Variants in SPDYE14 observed in about 807,000 individuals in gnomAD.
SPDYE14 encodes speedy/RINGO cell cycle regulator family member E14.
chr7:75,269,108 G>A, the SPDYE14 span, among the ~76,000 whole-genome samples: 1 of 27,634 alleles, frequency 3.6e-5, no homozygotes, highest in African/African-American at 7.4e-5. Flanking sequence ...TCTGGGAGGC[G>A]GAGGTTGCAG....
At chr7:75,268,845 CAGAGAGAGAGAGAGAGAGAG>C in the SPDYE14 span, among the ~76,000 whole-genome samples, 1 of 9,596 alleles carries the variant, frequency 1.0e-4, no homozygotes, top group African/African-American at 3.3e-4. Context: ...GCACTCCAGC[CAGAGAGAGAGAGAGAGAGAG>C]AGAGAGAGAG....
At chr7:75,271,629 G>A in the SPDYE14 span, among the ~76,000 whole-genome samples, 4 of 53,758 alleles carry the variant, frequency 7.4e-5, 1 homozygote, top group African/African-American at 1.3e-4. Context: ...TCAGGAGTTC[G>A]AGACCAGCCT....
the SPDYE14 span, chr7:75,237,681 G>A: frequency 3.9e-5 from 4 of 102,880 alleles, no homozygotes; most frequent in Non-Finnish European, 6.7e-5. Context: ...GGCGCGGGGA[G>A]CAGCTGGTGT....
chr7:75,265,023 T>TG, the SPDYE14 span, among the ~76,000 whole-genome samples: 1 of 61,502 alleles, frequency 1.6e-5, no homozygotes, highest in South Asian at 5.0e-4. Context: ...CTTTGCCTGT[T>TG]TTTTTTTTTT....
chr7:75,261,453 C>CTTTT, the SPDYE14 span, among the ~76,000 whole-genome samples: 63 of 39,924 alleles, frequency 1.6e-3, no homozygotes, highest in African/African-American at 2.7e-3. Flanking sequence ...TCAAGAACAC[C>CTTTT]TTTTTTTTTT....
the SPDYE14 span, among the ~76,000 whole-genome samples, chr7:75,249,644 C>T: frequency 2.4e-4 from 14 of 58,008 alleles, no homozygotes; most frequent in East Asian, 4.9e-4. Context: ...CTTCCTCCCT[C>T]CCTCCCTCCC....
At chr7:75,272,995 C>G in the SPDYE14 span, among the ~76,000 whole-genome samples, 2 of 58,626 alleles carry the variant, frequency 3.4e-5, 1 homozygote, top group South Asian at 1.1e-3. Flanking sequence ...GGGCGGATTT[C>G]TCATGAATGG....
At chr7:75,262,207 AAAACT>A in the SPDYE14 span, among the ~76,000 whole-genome samples, 1 of 38,206 alleles carries the variant, frequency 2.6e-5, no homozygotes, top group Non-Finnish European at 7.5e-5. Flanking sequence ...CTCCATCTCA[AAAACT>A]AAACTAAACT....
At chr7:75,265,292 A>T in the SPDYE14 span, among the ~76,000 whole-genome samples, 1 of 101,868 alleles carries the variant, frequency 9.8e-6, no homozygotes, top group African/African-American at 3.6e-5. Flanking sequence ...CATTTTTAGT[A>T]GAGGCAGGGT....
the SPDYE14 span, among the ~76,000 whole-genome samples, chr7:75,275,166 C>A: frequency 3.2e-3 from 167 of 52,872 alleles, no homozygotes; most frequent in African/African-American, 7.5e-3. Flanking sequence ...CGCCTCTGCC[C>A]GGCCGCCCCT....
the SPDYE14 span, among the ~76,000 whole-genome samples, chr7:75,261,486 A>T: frequency 1.2e-5 from 1 of 82,436 alleles, no homozygotes. Context: ...TTAAAGAGAC[A>T]GTGTCTTGCT....
the SPDYE14 span, among the ~76,000 whole-genome samples, chr7:75,246,963 G>A: frequency 1.1e-5 from 1 of 88,910 alleles, no homozygotes; most frequent in African/African-American, 3.6e-5. Flanking sequence ...GTTCATGGAT[G>A]GGATTTCAGA....
chr7:75,256,844 G>A, the SPDYE14 span, among the ~76,000 whole-genome samples: 6 of 16,286 alleles, frequency 3.7e-4, no homozygotes, highest in African/African-American at 8.9e-4. Flanking sequence ...AAAAAAGACC[G>A]GGTGCGGTGG....
chr7:75,275,139 G>A, the SPDYE14 span, among the ~76,000 whole-genome samples: 7 of 59,684 alleles, frequency 1.2e-4, no homozygotes, highest in African/African-American at 3.0e-4. Flanking sequence ...CAGCCGCCCC[G>A]TCCGGGAGGT....
the SPDYE14 span, among the ~76,000 whole-genome samples, chr7:75,262,287 C>G: frequency 1.4e-5 from 1 of 71,090 alleles, no homozygotes. Flanking sequence ...CTAAATTCCC[C>G]TTTCCTTCTC....
At chr7:75,261,040 A>T in the SPDYE14 span, among the ~76,000 whole-genome samples, 1 of 79,392 alleles carries the variant, frequency 1.3e-5, no homozygotes, top group African/African-American at 3.0e-5. Flanking sequence ...CAGGAGAATC[A>T]CTTGAACCTG....
chr7:75,249,921 C>T, the SPDYE14 span, among the ~76,000 whole-genome samples: 1 of 120,732 alleles, frequency 8.3e-6, no homozygotes, highest in Non-Finnish European at 1.8e-5. Context: ...CCACCCACCT[C>T]AGCCTCCCAA....
chr7:75,279,280 CTTTT>C, the SPDYE14 span, among the ~76,000 whole-genome samples: 1 of 47,392 alleles, frequency 2.1e-5, no homozygotes, highest in African/African-American at 7.5e-5. Context: ...GCGGCATATT[CTTTT>C]TTTTTCTTTT....
chr7:75,261,019 G>A, the SPDYE14 span, among the ~76,000 whole-genome samples: 1 of 72,910 alleles, frequency 1.4e-5, no homozygotes, highest in Admixed American at 2.0e-4. Flanking sequence ...CAGCTACTGG[G>A]GAGGCTGAGG....
Sources: gnomAD v4.1 joint callset for allele counts (sites outside exome capture counted in the v4.1 genomes callset) on GRCh38, gnomAD v4.1.1 for gene constraint, MANE v1.5 for transcripts, NCBI Gene and HGNC (gene_info 2026-07-23, HGNC 2026-07-21) for gene names.